HS3ST2: variants seen among roughly 807,000 people sequenced by gnomAD.
HS3ST2 encodes heparan sulfate-glucosamine 3-sulfotransferase 2.
In HS3ST2, 17 loss-of-function variants were observed where a neutral mutation model predicts 26.3. The observed-to-expected ratio is 0.65, with a 90% CI of 0.44 to 0.97. HS3ST2 has a LOEUF of 0.97. HS3ST2 is among the 50% of genes least tolerant of loss of function. The probability of loss-of-function intolerance (pLI) is 0.00; values close to 1 mark genes in which losing one functional copy is unlikely to be tolerated. For synonymous variants in HS3ST2, 237 were observed against 219.2 expected (o/e 1.08, Z -0.72); for missense variants, 402 against 501.2 (o/e 0.80, Z 1.89).
At chr16:22,865,324 G>T (rs1035559186) in intron 1 of HS3ST2, among the ~76,000 whole-genome samples, 1 of 152,118 alleles carries the variant, frequency 6.6e-6, no homozygotes, top group Non-Finnish European at 1.5e-5. Flanking sequence ...GGAGGCCGAG[G>T]AGGGCAGATC....
chr16:22,897,670 T>G (rs1178017718), intron 1 of HS3ST2, among the ~76,000 whole-genome samples: 1 of 24,840 alleles, frequency 4.0e-5, no homozygotes, highest in Admixed American at 4.7e-4. Context: ...TTGCCTAACT[T>G]TAATGAGACT....
intron 1 of HS3ST2, among the ~76,000 whole-genome samples, chr16:22,827,608 G>A (rs778544886): frequency 1.3e-5 from 2 of 152,028 alleles, no homozygotes; most frequent in South Asian, 2.1e-4. Context: ...CAAGAAAGAC[G>A]GCATTGGTGA....
chr16:22,894,215 G>A (rs1333793253), intron 1 of HS3ST2, among the ~76,000 whole-genome samples: 1 of 152,144 alleles, frequency 6.6e-6, no homozygotes, highest in African/African-American at 2.4e-5. Flanking sequence ...TTGTCAGGTG[G>A]GAGTAGCTAC....
At chr16:22,819,765 G>A (rs1416845973) in intron 1 of HS3ST2, among the ~76,000 whole-genome samples, 1 of 152,182 alleles carries the variant, frequency 6.6e-6, no homozygotes, top group African/African-American at 2.4e-5. Context: ...TGCCCCAGAG[G>A]CAACAGTCTA....
At chr16:22,821,725 TCTC>T (rs989832896) in intron 1 of HS3ST2, among the ~76,000 whole-genome samples, 1 of 152,134 alleles carries the variant, frequency 6.6e-6, no homozygotes, top group Non-Finnish European at 1.5e-5. Context: ...GCCACTTTGT[TCTC>T]CTAATGGGCT....
intron 1 of HS3ST2, among the ~76,000 whole-genome samples, chr16:22,824,629 C>T (rs451016): frequency 0.14 from 21,872 of 152,128 alleles, 1,691 homozygotes; most frequent in East Asian, 0.22. Context: ...ATTTTGCTTT[C>T]TCAGGCAGTT....
intron 1 of HS3ST2, among the ~76,000 whole-genome samples, chr16:22,897,390 A>G (rs1902224861): frequency 6.6e-6 from 1 of 152,204 alleles, no homozygotes; most frequent in Non-Finnish European, 1.5e-5. Context: ...CTGAGTAAGT[A>G]CATGCCCATA....
chr16:22,821,528 G>A (rs1461522198), intron 1 of HS3ST2, among the ~76,000 whole-genome samples: 2 of 151,980 alleles, frequency 1.3e-5, no homozygotes, highest in Non-Finnish European at 2.9e-5. Flanking sequence ...GAGGGCTCAG[G>A]GCAGGTGATA....
chr16:22,868,943 C>G (rs1901794706), intron 1 of HS3ST2, among the ~76,000 whole-genome samples: 1 of 151,960 alleles, frequency 6.6e-6, no homozygotes, highest in Admixed American at 6.6e-5. Flanking sequence ...TTAGGAGGCT[C>G]CACTGGTAGA....
chr16:22,870,669 G>A (rs1021581565), intron 1 of HS3ST2, among the ~76,000 whole-genome samples: 1 of 152,082 alleles, frequency 6.6e-6, no homozygotes, highest in Non-Finnish European at 1.5e-5. Context: ...CTTGGGGACT[G>A]TGCATTGTGT....
chr16:22,909,452 A>C (rs185178810), intron 1 of HS3ST2, among the ~76,000 whole-genome samples: 1 of 152,324 alleles, frequency 6.6e-6, no homozygotes, highest in East Asian at 1.9e-4. Context: ...CAGTGACATA[A>C]AGAAGAAAGA....
At chr16:22,855,131 T>C (rs1450014581) in intron 1 of HS3ST2, among the ~76,000 whole-genome samples, 1 of 152,184 alleles carries the variant, frequency 6.6e-6, no homozygotes, top group Non-Finnish European at 1.5e-5. Context: ...CCAAACCACA[T>C]TTTTCCTCTG....
At chr16:22,866,363 G>GGTGT (rs1442625101) in intron 1 of HS3ST2, among the ~76,000 whole-genome samples, 12 of 115,100 alleles carry the variant, frequency 1.0e-4, no homozygotes, top group African/African-American at 3.9e-4. Context: ...TTGACAATAT[G>GGTGT]GTGTGCGTGT....
chr16:22,894,417 C>T (rs1902176909), intron 1 of HS3ST2, among the ~76,000 whole-genome samples: 1 of 152,146 alleles, frequency 6.6e-6, no homozygotes, highest in Non-Finnish European at 1.5e-5. Context: ...TTTCTAGAGA[C>T]CTCTAACATT....
chr16:22,834,611 C>T (rs1201278580), intron 1 of HS3ST2, among the ~76,000 whole-genome samples: 2 of 151,282 alleles, frequency 1.3e-5, no homozygotes, highest in Non-Finnish European at 3.0e-5. Flanking sequence ...AAGTATCGTA[C>T]CCAATGATTT....
At position 22,814,893 on chromosome 16, in the gene HS3ST2, G is replaced by T; in HGVS notation, c.283G>T (p.Ala95Ser). 6.4e-7 allele frequency: 1 copy of T among 1,568,258 alleles called. No homozygotes were observed. The highest frequency in any genetic ancestry group is 8.6e-7 in the Non-Finnish European group (1 of 1,157,670). ...CAGCGCGCCCGCCGCCGCCGTGCCC[G>T]CCCCTCGCCTCTCCGGTTCCAACCA... is the stretch of plus-strand genomic sequence containing the variant. Reference protein sequence around the residue: ...APSAPAAAVPAPRLSGSNHSG... With the variant: ...APSAPAAAVPSPRLSGSNHSG... Residue 95 changes from alanine (A) to serine (S), a missense_variant, in exon 1 of 2, where the codon GCC becomes TCC. Ala to Ser is a moderately conservative substitution (Grantham distance 99, BLOSUM62 1). This residue lies in a region of HS3ST2 where 165 missense variants were observed against 154.6 expected (regional missense o/e 1.07). Transcript: ENST00000261374.
intron 1 of HS3ST2, among the ~76,000 whole-genome samples, chr16:22,878,869 C>T (rs2141196081): frequency 6.6e-6 from 1 of 152,098 alleles, no homozygotes; most frequent in Middle Eastern, 3.4e-3. Context: ...TAGGCGGGTG[C>T]CTGGATGTTC....
At chr16:22,906,154 C>T (rs1052418015) in intron 1 of HS3ST2, among the ~76,000 whole-genome samples, 1 of 152,006 alleles carries the variant, frequency 6.6e-6, no homozygotes, top group African/African-American at 2.4e-5. Flanking sequence ...AGGCAGATCA[C>T]GAGGTGAAGA....
intron 1 of HS3ST2, among the ~76,000 whole-genome samples, chr16:22,901,472 T>C (rs954167801): frequency 3.9e-5 from 6 of 152,012 alleles, no homozygotes; most frequent in African/African-American, 1.4e-4. Flanking sequence ...CTACACGAGA[T>C]TCAAATGCAC....
Sources: allele counts gnomAD v4.1 joint callset (sites outside exome capture counted in the v4.1 genomes callset), GRCh38; gene constraint gnomAD v4.1.1; regional missense constraint gnomAD v4.1.1; transcripts MANE v1.5; gene names NCBI Gene and HGNC (gene_info 2026-07-23, HGNC 2026-07-21).